ANAPC7: variants seen among roughly 807,000 people sequenced by gnomAD.
ANAPC7 encodes anaphase promoting complex subunit 7.
A neutral mutation model predicts 63.3 loss-of-function variants in ANAPC7; 25 were observed. The observed-to-expected ratio is 0.39, with a 90% confidence interval of 0.29 to 0.55. The LOEUF is 0.55. ANAPC7 is among the 20% of genes least tolerant of loss of function. The pLI is 0.57. For synonymous variants in ANAPC7, 241 were observed against 251.7 expected, an observed-to-expected ratio of 0.96 and a Z score of 0.40; for missense variants, 516 against 691.7, an observed-to-expected ratio of 0.75 and a Z score of 2.85.
At position 110,403,592 on chromosome 12, in the gene ANAPC7, G is replaced by A. The variant is rs1465166372; in HGVS notation, c.36C>T (p.Ala12=). The change falls in exon 1 of 11, where the codon GCC becomes GCT. Residue 12 remains alanine, a synonymous_variant. Transcript: ENST00000455511. Reference sequence around the variant, plus strand: ...GCCGCACGTTGGAGTGCAGCCCCGCGGCCGCCATGTCCCGCACGTGGTCTA... The same window carrying A: ...GCCGCACGTTGGAGTGCAGCCCCGCAGCCGCCATGTCCCGCACGTGGTCTA... ...NVIDHVRDMA[A]AGLHSNVRLL... 6.2e-7 allele frequency: 1 copy of A among 1,608,290 alleles called. No individual in the cohort carries two copies. Among genetic ancestry groups the A allele is most frequent in the South Asian group, 1.1e-5 (1 of 90,042 alleles).
intron 3 of ANAPC7, among the ~76,000 whole-genome samples, chr12:110,390,463 C>T (rs1883002100): frequency 2.6e-5 from 4 of 152,140 alleles, no homozygotes; most frequent in Non-Finnish European, 5.9e-5. Flanking sequence ...AAAAGGTCAA[C>T]CCCCAATCTC....
chr12:110,375,847 T>C (rs368038734), intron 10 of ANAPC7: 1 of 1,249,758 alleles, frequency 8.0e-7, no homozygotes, highest in Non-Finnish European at 1.0e-6. Flanking sequence ...TGGTGTGGGA[T>C]GGTTATGAGT....
chr12:110,394,432 G>C (rs540721563), intron 3 of ANAPC7, among the ~76,000 whole-genome samples: 1 of 151,834 alleles, frequency 6.6e-6, no homozygotes, highest in Non-Finnish European at 1.5e-5. Context: ...TTCAAGACCA[G>C]CCTGGCCAAC....
rs375107592 is a variant in ANAPC7 at position 110,387,704 on chromosome 12, C to T, written c.674+35G>A. ...ATCAGACTTCCAGACAAGCAAAGGG[C>T]CTCAAGAACACTGAATTAACTTTGT... On this transcript the variant is annotated intron_variant, in intron 5 of 10. Coordinates refer to ENST00000455511, the MANE Select transcript of ANAPC7 (RefSeq NM_016238.3). The T allele has an allele frequency of 3.9e-5, 61 of 1,582,172 alleles. No homozygotes were observed. The African/African-American group carries it at 7.0e-4, about 18-fold the overall frequency.
intron 1 of ANAPC7, among the ~76,000 whole-genome samples, chr12:110,400,771 CT>C (rs1430492759): frequency 6.6e-6 from 1 of 151,894 alleles, no homozygotes; most frequent in Non-Finnish European, 1.5e-5. Context: ...TGAGGCTGGG[CT>C]CGGTGGCTCA....
At chr12:110,397,221 T>C (rs1014523271) in intron 1 of ANAPC7, among the ~76,000 whole-genome samples, 3 of 138,892 alleles carry the variant, frequency 2.2e-5, no homozygotes, top group African/African-American at 5.4e-5. Flanking sequence ...AAAAAACCAA[T>C]GCACAAAAAG....
chr12:110,390,875 G>A (rs1461853122), intron 3 of ANAPC7, among the ~76,000 whole-genome samples: 2 of 152,080 alleles, frequency 1.3e-5, no homozygotes, highest in South Asian at 2.1e-4. Context: ...AAAAGAATGA[G>A]TTTTGAGTAA....
At chr12:110,400,539 G>T (rs1173486528) in intron 1 of ANAPC7, among the ~76,000 whole-genome samples, 1 of 152,154 alleles carries the variant, frequency 6.6e-6, no homozygotes, top group Non-Finnish European at 1.5e-5. Context: ...TCTAGCCAGA[G>T]AATTAAACTG....
intron 1 of ANAPC7, among the ~76,000 whole-genome samples, chr12:110,403,139 G>C (rs61216094): frequency 3.6e-4 from 55 of 152,300 alleles, no homozygotes; most frequent in African/African-American, 1.3e-3. Context: ...ATAAAAACCA[G>C]GAGGCTGGGT....
At chr12:110,379,936 T>C (rs985873071) in intron 8 of ANAPC7, among the ~76,000 whole-genome samples, 1 of 152,176 alleles carries the variant, frequency 6.6e-6, no homozygotes, top group African/African-American at 2.4e-5. Flanking sequence ...TGGACCCTGA[T>C]TGTGCCCACT....
At chr12:110,386,185 TA>T in intron 6 of ANAPC7, 141 bp downstream of exon 6, 10 of 1,259,592 alleles carry the variant, frequency 7.9e-6, no homozygotes, top group African/African-American at 3.0e-5. Flanking sequence ...TGTCATGACC[TA>T]AAAAAAGTAA....
chr12:110,377,217 C>A (rs1467142712), intron 9 of ANAPC7, among the ~76,000 whole-genome samples, 176 bp downstream of exon 9: 1 of 151,494 alleles, frequency 6.6e-6, no homozygotes, highest in East Asian at 1.9e-4. Flanking sequence ...CCAAGCAGAT[C>A]TAAGCCAGCT....
intron 3 of ANAPC7, among the ~76,000 whole-genome samples, chr12:110,388,847 G>A (rs1174403510): frequency 1.1e-4 from 17 of 152,040 alleles, no homozygotes; most frequent in Non-Finnish European, 1.8e-4. Flanking sequence ...TTGGGAGGCC[G>A]AGGTGGGTGG....
chr12:110,402,687 A>G (rs1389299321), intron 1 of ANAPC7, among the ~76,000 whole-genome samples: 1 of 151,984 alleles, frequency 6.6e-6, no homozygotes, highest in African/African-American at 2.4e-5. Flanking sequence ...GAATCAGCTC[A>G]GTGCTTCAAG....
In ANAPC7 at chr12:110,382,918, A is replaced by C. The variant is rs1395788509; in HGVS notation, c.860T>G (p.Leu287Arg). 2 of 1,613,872 alleles carry C rather than the reference A, an allele frequency of 1.2e-6. No homozygotes were observed. Among genetic ancestry groups the C allele is most frequent in the Non-Finnish European group, 1.7e-6 (2 of 1,179,914 alleles). The change falls in exon 7 of 11, where the codon CTA becomes CGA. Residue 287 changes from leucine to arginine, a missense_variant. Transcript: ENST00000455511. ...GCATCCAAGGTTCTCAACATCCTCT[A>C]GCCGCCCTTCTCGTGCCAGTAGGTA... The part of the protein sequence containing the change: ...YGYLLAREGR[L>R]EDVENLGCRL...
In ANAPC7 at chr12:110,396,458, A is replaced by G. The variant is rs201160899; in HGVS notation, c.102-6T>C. 3.8e-6 allele frequency: 6 copies of G among 1,586,508 alleles called. No homozygotes were observed. The East Asian group carries it at 1.1e-4, about 30-fold the overall frequency. On this transcript the variant is annotated splice_region_variant and splice_polypyrimidine_tract_variant and intron_variant, in intron 1 of 10. Transcript: ENST00000455511. ...GAGGTGGGGAGAATAACTCACTAGA[A>G]AACAAGAGAAAATGTAATACATCTT...
At chr12:110,399,152 C>A (rs1376078151) in intron 1 of ANAPC7, among the ~76,000 whole-genome samples, 2 of 151,272 alleles carry the variant, frequency 1.3e-5, no homozygotes, top group Non-Finnish European at 2.9e-5. Context: ...TCCCGAGTAG[C>A]TAGGATTATA....
chr12:110,380,334 G>C (rs1400731993), intron 8 of ANAPC7, among the ~76,000 whole-genome samples: 2 of 151,618 alleles, frequency 1.3e-5, no homozygotes, highest in Admixed American at 6.6e-5. Flanking sequence ...CTGGGTGACA[G>C]AGTGAGACTC....
At chr12:110,383,630 C>T (rs540279090) in intron 6 of ANAPC7, among the ~76,000 whole-genome samples, 35 of 151,886 alleles carry the variant, frequency 2.3e-4, no homozygotes, top group Middle Eastern at 3.4e-3. Flanking sequence ...TGCCTGTAAA[C>T]CCAGCACTTT....
Sources: allele counts gnomAD v4.1 joint callset (sites outside exome capture counted in the v4.1 genomes callset), GRCh38; gene constraint gnomAD v4.1.1; transcripts MANE v1.5; gene names NCBI Gene and HGNC (gene_info 2026-07-23, HGNC 2026-07-21).